The following GALNT3 variants were observed in gnomAD, a reference collection of about 807,000 sequenced individuals.
GALNT3 encodes polypeptide N-acetylgalactosaminyltransferase 3.
GALNT3 carries 51 observed loss-of-function variants against 69.8 expected under a neutral mutation model. The ratio of observed to expected loss-of-function variants is 0.73; its 90% CI spans 0.58 to 0.92. The LOEUF (loss-of-function observed/expected upper bound fraction) is 0.92, where lower values mean the gene tolerates loss of function less well. GALNT3 is among the 40% of genes least tolerant of loss of function. The probability of loss-of-function intolerance (pLI) is 0.00; values close to 1 mark genes in which losing one functional copy is unlikely to be tolerated. For missense variants in GALNT3, 711 were observed against 760.0 expected, an observed-to-expected ratio of 0.94 and a Z score of 0.76; for synonymous variants, 265 against 248.5, an observed-to-expected ratio of 1.07 and a Z score of -0.63.
At chr2:165,786,652 A>C (rs1683230020) in intron 1 of GALNT3, among the ~76,000 whole-genome samples, 1 of 152,114 alleles carries the variant, frequency 6.6e-6, no homozygotes. Flanking sequence ...TTTTCAATCT[A>C]AGGTTGTTTG....
intron 1 of GALNT3, among the ~76,000 whole-genome samples, chr2:165,784,148 T>TA (rs753242712): frequency 4.6e-5 from 7 of 152,272 alleles, no homozygotes; most frequent in East Asian, 3.9e-4. Context: ...TCAATTACCA[T>TA]ACACAGTGAG....
rs748246027 is a variant in GALNT3 at position 165,762,062 on chromosome 2, G to A, written c.689-8C>T. On this transcript the variant is annotated splice_polypyrimidine_tract_variant and splice_region_variant and intron_variant, in intron 3 of 10. Coordinates refer to ENST00000392701, the MANE Select transcript of GALNT3 (RefSeq NM_004482.4). ...GTTTATCATGTAAGTACTCTGTAAG[G>A]AAAAAAAATCAGGGTTAATTCTTTC... The A allele has an allele frequency of 4.0e-6, 6 of 1,514,118 alleles. No individual in the cohort carries two copies. In the South Asian group the frequency reaches 4.5e-5, roughly 11 times the overall value. The allele number at this position is 1,514,118 out of a possible 1,614,324, so 93.8% of individuals were successfully genotyped here. A position where few individuals can be genotyped will look rare whatever the true frequency, so the allele number is the denominator to read the frequency against.
At chr2:165,770,869 T>G in intron 1 of GALNT3, 61 bp from the exon 2 acceptor site, 1 of 630,426 alleles carries the variant, frequency 1.6e-6, no homozygotes, top group Non-Finnish European at 2.6e-6. Flanking sequence ...ATGGCTCAAT[T>G]CATTCATTTA....
chr2:165,772,458 G>A (rs7601766), intron 1 of GALNT3, among the ~76,000 whole-genome samples: 1 of 151,816 alleles, frequency 6.6e-6, no homozygotes, highest in African/African-American at 2.4e-5. Flanking sequence ...GGTGGTGCAC[G>A]CCTGTAGTCC....
At chr2:165,774,840 A>G (rs1028951408) in intron 1 of GALNT3, among the ~76,000 whole-genome samples, 5 of 151,394 alleles carry the variant, frequency 3.3e-5, no homozygotes, top group African/African-American at 1.2e-4. Context: ...GGTCTCTGGT[A>G]TTAAATAACA....
chr2:165,760,858 T>C (rs947096587), intron 4 of GALNT3, among the ~76,000 whole-genome samples: 1 of 152,148 alleles, frequency 6.6e-6, no homozygotes, highest in Non-Finnish European at 1.5e-5. Context: ...ATAACTAGCA[T>C]GCATATGACA....
Position 165,770,340 on chromosome 2 carries a change from G to A in GALNT3, c.361C>T (p.Pro121Ser). Residue 121 changes from proline to serine, a missense_variant, in exon 2 of 11, where the codon CCT becomes TCT. Pro to Ser is a moderately conservative substitution (Grantham distance 74, BLOSUM62 -1). Coordinates refer to ENST00000392701, the MANE Select transcript of GALNT3 (RefSeq NM_004482.4). ...LDRPPQDSNA[P>S]GASGKAFKTT... ...TTGAATGCTTTACCAGAAGCACCAG[G>A]TGCATTTGAATCCTGAGGTGGACGG... The A allele has an allele frequency of 1.2e-6, 2 of 1,614,086 alleles. No homozygotes were observed. Among genetic ancestry groups the A allele is most frequent in the Non-Finnish European group, 8.5e-7 (1 of 1,180,020 alleles).
At chr2:165,787,787 C>T (rs935037608) in intron 1 of GALNT3, among the ~76,000 whole-genome samples, 2 of 152,096 alleles carry the variant, frequency 1.3e-5, no homozygotes, top group Admixed American at 6.6e-5. Context: ...TTAAGCTCCT[C>T]AACAATAATA....
At chr2:165,782,465 AG>A (rs1437021730) in intron 1 of GALNT3, among the ~76,000 whole-genome samples, 10 of 152,088 alleles carry the variant, frequency 6.6e-5, no homozygotes, top group Non-Finnish European at 1.3e-4. Flanking sequence ...AAAGCCATCC[AG>A]GGTCGCATGT....
chr2:165,756,934 A>G (rs1216299534), intron 7 of GALNT3, 113 bp downstream of exon 7: 1 of 820,396 alleles, frequency 1.2e-6, no homozygotes, highest in African/African-American at 1.7e-5. Context: ...TTTAAGAGTT[A>G]AAAACCTACT....
chr2:165,758,968 A>G lies in GALNT3; in HGVS notation c.1074-104T>C, dbSNP rs1688494554. ...AAAATTAAAGCCATATCACATTTTCAAAGCTTTTATTCAGATTAATAAAAA... is the reference window on the plus strand; with the variant it reads ...AAAATTAAAGCCATATCACATTTTCGAAGCTTTTATTCAGATTAATAAAAA... On this transcript the variant is annotated intron_variant, in intron 5 of 10. Coordinates refer to ENST00000392701, the MANE Select transcript of GALNT3 (RefSeq NM_004482.4). 6.1e-6 allele frequency: 5 copies of G among 822,224 alleles called. No homozygotes were observed. The Admixed American group carries it at 7.8e-5, about 13-fold the overall frequency. The allele number at this position is 822,224 out of a possible 1,614,324, so 50.9% of individuals were successfully genotyped here.
chr2:165,752,619 T>C (rs1007454119), intron 9 of GALNT3, among the ~76,000 whole-genome samples: 2 of 152,162 alleles, frequency 1.3e-5, no homozygotes, highest in East Asian at 1.9e-4. Context: ...ATTATCTTTA[T>C]GAAAATGATA....
intron 9 of GALNT3, among the ~76,000 whole-genome samples, chr2:165,751,102 G>A (rs553991276): frequency 3.3e-5 from 5 of 152,024 alleles, no homozygotes; most frequent in East Asian, 1.9e-4. Flanking sequence ...GCAATTTATC[G>A]AGTCATAACA....
At chr2:165,753,484 A>G (rs1688388150) in intron 9 of GALNT3, among the ~76,000 whole-genome samples, 1 of 151,600 alleles carries the variant, frequency 6.6e-6, no homozygotes, top group Non-Finnish European at 1.5e-5. Context: ...GCCCTTTTCT[A>G]TACCCCCAGA....
chr2:165,775,358 C>A (rs560509915), intron 1 of GALNT3, among the ~76,000 whole-genome samples: 76 of 152,220 alleles, frequency 5.0e-4, no homozygotes, highest in Non-Finnish European at 1.0e-3. Context: ...AGCACCATTT[C>A]AGTAATAAAG....
At chr2:165,782,377 GA>G (rs1347678082) in intron 1 of GALNT3, among the ~76,000 whole-genome samples, 4 of 62,270 alleles carry the variant, frequency 6.4e-5, no homozygotes, top group African/African-American at 2.3e-4. Flanking sequence ...TGAGCTGGGG[GA>G]AAAAAAAGAA....
Position 165,748,910 on chromosome 2 carries a change from TA to T in GALNT3, c.1780-8del, listed in dbSNP as rs1343073768. On this transcript the variant is annotated splice_region_variant and splice_polypyrimidine_tract_variant and intron_variant, in intron 10 of 10. Transcript: ENST00000392701. ...GATTGTATAGAAGTTGATCCTAGAA[TA>T]AAAGGAAACAACAGACATTAAATTC... 1 of 1,607,460 alleles carries T rather than the reference TA, an allele frequency of 6.2e-7. No homozygotes were observed.
chr2:165,774,909 CTTTTTTTTT>C (rs71031204), intron 1 of GALNT3, among the ~76,000 whole-genome samples: 2 of 104,368 alleles, frequency 1.9e-5, no homozygotes, highest in Admixed American at 1.1e-4. Context: ...CTTCTTCTCT[CTTTTTTTTT>C]TTTTTTTTTT....
At chr2:165,777,836 G>A (rs1357944065) in intron 1 of GALNT3, among the ~76,000 whole-genome samples, 1 of 152,144 alleles carries the variant, frequency 6.6e-6, no homozygotes, top group Admixed American at 6.5e-5. Flanking sequence ...GCCACCAGTG[G>A]ATGACTAAAC....
Sources: allele counts gnomAD v4.1 joint callset (sites outside exome capture counted in the v4.1 genomes callset), GRCh38; gene constraint gnomAD v4.1.1; transcripts MANE v1.5; gene names NCBI Gene and HGNC (gene_info 2026-07-23, HGNC 2026-07-21).